The following CNTNAP2 variants were observed in gnomAD, a reference collection of about 807,000 sequenced individuals.
The protein encoded by CNTNAP2 is contactin associated protein 2.
Under a neutral mutation model 155.2 loss-of-function variants are expected in CNTNAP2, and 98 were observed. That is an observed-to-expected ratio of 0.63 (90% CI 0.54 to 0.75). The LOEUF (loss-of-function observed/expected upper bound fraction) is 0.75. Ranked by LOEUF, CNTNAP2 falls within the 30% of genes least tolerant of loss-of-function variation. CNTNAP2 has a pLI of 0.00. For synonymous variants in CNTNAP2, 651 were observed against 631.2 expected, an observed-to-expected ratio of 1.03 and a Z score of -0.47; for missense variants, 1,727 against 1,688.1, an observed-to-expected ratio of 1.02 and a Z score of -0.40.
chr7:147,547,976 T>C (rs532933598), intron 11 of CNTNAP2, among the ~76,000 whole-genome samples: 1 of 152,344 alleles, frequency 6.6e-6, no homozygotes, highest in South Asian at 2.1e-4. Context: ...CCATGGTGTA[T>C]AGTGCCACAT....
chr7:146,151,972 A>T (rs930185910), intron 1 of CNTNAP2, among the ~76,000 whole-genome samples: 1 of 151,424 alleles, frequency 6.6e-6, no homozygotes, highest in Non-Finnish European at 1.5e-5. Context: ...TCAGAAAATT[A>T]AAAAAAGAAC....
chr7:146,384,976 T>C (rs185861577), intron 1 of CNTNAP2, among the ~76,000 whole-genome samples: 1 of 152,270 alleles, frequency 6.6e-6, no homozygotes, highest in East Asian at 1.9e-4. Context: ...GCCAGAAACA[T>C]AGTTGGTCTT....
At chr7:147,787,728 G>T (rs1031795862) in intron 13 of CNTNAP2, among the ~76,000 whole-genome samples, 4 of 152,106 alleles carry the variant, frequency 2.6e-5, no homozygotes, top group African/African-American at 9.7e-5. Flanking sequence ...TCATTAGTAA[G>T]ACTTTTTTCA....
At chr7:146,905,443 TC>T (rs1796099879) in intron 3 of CNTNAP2, among the ~76,000 whole-genome samples, 1 of 152,158 alleles carries the variant, frequency 6.6e-6, no homozygotes, top group Non-Finnish European at 1.5e-5. Flanking sequence ...TGGAAGGACT[TC>T]CCCTTTCATC....
At chr7:146,123,721 T>C (rs1349925348) in intron 1 of CNTNAP2, among the ~76,000 whole-genome samples, 2 of 152,184 alleles carry the variant, frequency 1.3e-5, no homozygotes, top group Admixed American at 6.5e-5. Flanking sequence ...GCACAGTTTG[T>C]ATTGTTAAAA....
chr7:146,928,754 G>A (rs1796670181), intron 3 of CNTNAP2, among the ~76,000 whole-genome samples: 1 of 152,202 alleles, frequency 6.6e-6, no homozygotes, highest in African/African-American at 2.4e-5. Context: ...TTTTCCGACA[G>A]GCTTAAAAAG....
At chr7:147,606,214 G>A (rs1801061072) in intron 12 of CNTNAP2, among the ~76,000 whole-genome samples, 1 of 152,154 alleles carries the variant, frequency 6.6e-6, no homozygotes, top group African/African-American at 2.4e-5. Context: ...AGTAAGGGTG[G>A]TAATGTTTTA....
At chr7:146,558,746 A>G (rs747050616) in intron 1 of CNTNAP2, among the ~76,000 whole-genome samples, 10 of 152,152 alleles carry the variant, frequency 6.6e-5, no homozygotes, top group Non-Finnish European at 1.0e-4. Context: ...TTTAACTAAC[A>G]CTATCTTCTC....
chr7:147,105,587 ACT>A (rs1343601042), intron 4 of CNTNAP2, among the ~76,000 whole-genome samples: 11 of 152,190 alleles, frequency 7.2e-5, no homozygotes, highest in Middle Eastern at 3.4e-3. Flanking sequence ...AATATCCCAG[ACT>A]TTTTAAAGAG....
At chr7:148,152,836 C>A (rs543409194) in intron 17 of CNTNAP2, among the ~76,000 whole-genome samples, 1 of 151,770 alleles carries the variant, frequency 6.6e-6, no homozygotes, top group South Asian at 2.1e-4. Context: ...CTGGCTAGCA[C>A]GGTGAAACCC....
chr7:147,020,867 G>T (rs1042898619), intron 3 of CNTNAP2, among the ~76,000 whole-genome samples: 2 of 152,154 alleles, frequency 1.3e-5, no homozygotes, highest in African/African-American at 4.8e-5. Flanking sequence ...CATAGTCAGA[G>T]AACACTAAGG....
chr7:147,557,799 G>A (rs112597874), intron 11 of CNTNAP2, among the ~76,000 whole-genome samples: 16 of 152,048 alleles, frequency 1.1e-4, no homozygotes, highest in African/African-American at 3.6e-4. Context: ...ATTACTATTA[G>A]GTTGCTACAA....
chr7:147,330,303 C>T (rs1241881493), intron 9 of CNTNAP2, among the ~76,000 whole-genome samples: 3 of 152,072 alleles, frequency 2.0e-5, no homozygotes, highest in Admixed American at 1.3e-4. Context: ...GCAACTACTC[C>T]CCCGGTGCCT....
chr7:147,043,308 T>C (rs1240606172), intron 3 of CNTNAP2, among the ~76,000 whole-genome samples: 3 of 152,188 alleles, frequency 2.0e-5, no homozygotes, highest in Admixed American at 1.3e-4. Flanking sequence ...GAACTTTCAG[T>C]ATCAGATAAA....
At chr7:147,778,205 T>C (rs1797616369) in intron 13 of CNTNAP2, among the ~76,000 whole-genome samples, 1 of 152,216 alleles carries the variant, frequency 6.6e-6, no homozygotes, top group Non-Finnish European at 1.5e-5. Flanking sequence ...CCACTGAAAA[T>C]ATGTCATATT....
intron 8 of CNTNAP2, among the ~76,000 whole-genome samples, chr7:147,164,790 C>A (rs1385268707): frequency 6.6e-6 from 1 of 152,138 alleles, no homozygotes; most frequent in Non-Finnish European, 1.5e-5. Context: ...CTACAATTGT[C>A]CCCTCTGTGA....
chr7:146,557,583 A>G (rs751779385), intron 1 of CNTNAP2, among the ~76,000 whole-genome samples: 1 of 152,098 alleles, frequency 6.6e-6, no homozygotes, highest in Admixed American at 6.5e-5. Flanking sequence ...TAGAATTCTC[A>G]GAAAGTTAAA....
At chr7:146,562,879 A>G (rs1325301462) in intron 1 of CNTNAP2, among the ~76,000 whole-genome samples, 1 of 152,148 alleles carries the variant, frequency 6.6e-6, no homozygotes, top group Admixed American at 6.6e-5. Context: ...CTGCTATTGT[A>G]TTTATTATTA....
At chr7:148,002,629 T>C (rs774577134) in intron 15 of CNTNAP2, among the ~76,000 whole-genome samples, 1 of 152,198 alleles carries the variant, frequency 6.6e-6, no homozygotes, top group South Asian at 2.1e-4. Flanking sequence ...CCCAAAACCT[T>C]GATTTTTTTG....
Sources: allele counts gnomAD v4.1 joint callset (sites outside exome capture counted in the v4.1 genomes callset), GRCh38; gene constraint gnomAD v4.1.1; transcripts MANE v1.5; gene names NCBI Gene and HGNC (gene_info 2026-07-23, HGNC 2026-07-21).